SCHIP1: variants seen among roughly 807,000 people sequenced by gnomAD.
SCHIP1 encodes the protein schwannomin-interacting protein 1.
A neutral mutation model predicts 29.7 loss-of-function variants in SCHIP1; 8 were observed. That is an observed-to-expected ratio of 0.27 (90% CI 0.16 to 0.49). The LOEUF is 0.49. SCHIP1 is among the 20% of genes least tolerant of loss of function. The pLI is 0.99. For missense variants in SCHIP1, 193 were observed against 294.6 expected (o/e 0.66, Z 2.52); for synonymous variants, 76 against 94.9 (o/e 0.80, Z 1.16).
chr3:159,653,836 G>T, the SCHIP1 span, among the ~76,000 whole-genome samples: 1 of 151,230 alleles, frequency 6.6e-6, no homozygotes, highest in African/African-American at 2.4e-5. Context: ...AGGTAGAAGA[G>T]AATAAATTGA....
At chr3:159,770,627 G>T in the SCHIP1 span, among the ~76,000 whole-genome samples, 1 of 152,192 alleles carries the variant, frequency 6.6e-6, no homozygotes, top group African/African-American at 2.4e-5. Flanking sequence ...CGTGGTAGGT[G>T]TATGTTTACC....
the SCHIP1 span, among the ~76,000 whole-genome samples, chr3:159,428,226 A>G: frequency 6.6e-6 from 1 of 152,224 alleles, no homozygotes. Context: ...GCTTCTGCAC[A>G]GCAAAAGAAG....
the SCHIP1 span, among the ~76,000 whole-genome samples, chr3:159,665,362 A>C: frequency 6.6e-6 from 1 of 152,168 alleles, no homozygotes; most frequent in African/African-American, 2.4e-5. Context: ...TTATGAACCC[A>C]GCAAGATTGT....
the SCHIP1 span, among the ~76,000 whole-genome samples, chr3:159,494,068 C>T: frequency 1.3e-5 from 2 of 152,142 alleles, no homozygotes; most frequent in Non-Finnish European, 2.9e-5. Context: ...AACAAAGACA[C>T]AACATACCAG....
the SCHIP1 span, among the ~76,000 whole-genome samples, chr3:159,710,591 T>A: frequency 6.6e-6 from 1 of 152,232 alleles, no homozygotes. Context: ...GACATGTTAA[T>A]GAGTCTAATT....
At chr3:159,712,629 C>T in the SCHIP1 span, among the ~76,000 whole-genome samples, 779 of 148,820 alleles carry the variant, frequency 5.2e-3, no homozygotes, top group Non-Finnish European at 8.4e-3. Context: ...GGCAGGAGGA[C>T]CACTTGAGCC....
At chr3:159,469,965 T>G in the SCHIP1 span, among the ~76,000 whole-genome samples, 2 of 152,154 alleles carry the variant, frequency 1.3e-5, no homozygotes, top group African/African-American at 2.4e-5. Context: ...CAAGTATGTT[T>G]CATTCTAGTA....
At chr3:159,779,698 A>T in the SCHIP1 span, among the ~76,000 whole-genome samples, 3 of 151,986 alleles carry the variant, frequency 2.0e-5, no homozygotes, top group Admixed American at 2.0e-4. Context: ...TGTCCCCATG[A>T]CTCAGTGAAT....
chr3:159,663,594 T>A, the SCHIP1 span, among the ~76,000 whole-genome samples: 1 of 152,186 alleles, frequency 6.6e-6, no homozygotes, highest in African/African-American at 2.4e-5. Context: ...CTCAGTGTTT[T>A]GTGAAGATTA....
At chr3:159,456,129 A>G in the SCHIP1 span, among the ~76,000 whole-genome samples, 1 of 152,170 alleles carries the variant, frequency 6.6e-6, no homozygotes, top group Non-Finnish European at 1.5e-5. Flanking sequence ...ATGACTGATC[A>G]CATTCCCTGA....
chr3:159,274,611 T>C, the SCHIP1 span: 1 of 832,772 alleles, frequency 1.2e-6, no homozygotes, highest in African/African-American at 1.9e-5. Flanking sequence ...GACTATCAAA[T>C]TTGTAGTTCT....
the SCHIP1 span, among the ~76,000 whole-genome samples, chr3:159,426,642 C>G: frequency 7.9e-5 from 12 of 152,098 alleles, no homozygotes; most frequent in African/African-American, 2.9e-4. Context: ...TGAAACTATT[C>G]CAATCAATAG....
chr3:159,529,446 A>G, the SCHIP1 span, among the ~76,000 whole-genome samples: 1 of 152,142 alleles, frequency 6.6e-6, no homozygotes, highest in African/African-American at 2.4e-5. Flanking sequence ...TGGCTCCTAC[A>G]TGTTCCCTTT....
At chr3:159,632,283 C>T in the SCHIP1 span, among the ~76,000 whole-genome samples, 4 of 152,296 alleles carry the variant, frequency 2.6e-5, no homozygotes, top group South Asian at 8.3e-4. Flanking sequence ...TAGGCCAAGA[C>T]GTCTACAGGC....
At chr3:159,332,353 C>A in the SCHIP1 span, among the ~76,000 whole-genome samples, 1 of 152,154 alleles carries the variant, frequency 6.6e-6, no homozygotes, top group African/African-American at 2.4e-5. Context: ...ACATCTTGCT[C>A]AAGATCGCAG....
the SCHIP1 span, among the ~76,000 whole-genome samples, chr3:159,546,437 A>G: frequency 6.6e-6 from 1 of 152,080 alleles, no homozygotes; most frequent in Non-Finnish European, 1.5e-5. Flanking sequence ...AAGTTCAAGG[A>G]TACATGTACA....
intron 6 of SCHIP1, chr3:159,893,881 A>C (rs1310940780): frequency 6.6e-6 from 1 of 152,190 alleles, no homozygotes; most frequent in Non-Finnish European, 1.5e-5. Context: ...GCTGCAGAAA[A>C]GTAACTTTCC....
chr3:159,583,781 G>A, the SCHIP1 span, among the ~76,000 whole-genome samples: 1 of 152,082 alleles, frequency 6.6e-6, no homozygotes, highest in Non-Finnish European at 1.5e-5. Context: ...GTATCATAAG[G>A]CAATGATTAC....
chr3:159,452,371 A>G, the SCHIP1 span, among the ~76,000 whole-genome samples: 2 of 151,408 alleles, frequency 1.3e-5, no homozygotes, highest in South Asian at 2.1e-4. Flanking sequence ...CCATTGTTCA[A>G]CTCCCACTTA....
Sources: gnomAD v4.1 joint callset for allele counts (sites outside exome capture counted in the v4.1 genomes callset) on GRCh38, gnomAD v4.1.1 for gene constraint, MANE v1.5 for transcripts, NCBI Gene and HGNC (gene_info 2026-07-23, HGNC 2026-07-21) for gene names.